EP400: variants seen among roughly 807,000 people sequenced by gnomAD.
EP400 encodes the protein E1A binding protein p400, also known as E1A-binding protein p400.
Under a neutral mutation model 354.1 loss-of-function variants are expected in EP400, and 105 were observed. The ratio of observed to expected loss-of-function variants is 0.30; its 90% CI spans 0.25 to 0.35. The LOEUF (loss-of-function observed/expected upper bound fraction) is 0.35, where lower values mean the gene tolerates loss of function less well. Ranked by LOEUF, EP400 falls within the 10% of genes least tolerant of loss-of-function variation. The pLI, the probability that EP400 is intolerant of heterozygous loss-of-function variation, is 1.00. For missense variants in EP400, 3,280 were observed against 4,121.0 expected (o/e 0.80, Z 5.59); for synonymous variants, 1,646 against 1,716.9 (o/e 0.96, Z 1.02).
rs935773705 is a variant in EP400, at chr12:132,021,059, A to G, written c.4448-20A>G. 8.2e-6 allele frequency: 13 copies of G among 1,582,780 alleles called. No individual in the cohort carries two copies. In the Middle Eastern group the frequency reaches 1.5e-3, roughly 183 times the overall value. On this transcript the variant is annotated intron_variant, in intron 22 of 52. Transcript: ENST00000389561. The stretch of plus-strand genomic sequence containing the variant: ...AAGAACCTCTAACAGCTTTGCACAA[A>G]CAAACCTTATCGATTGCAGCAGCAG...
Position 132,044,901 on chromosome 12 carries a change from G to A in EP400, c.6732G>A (p.Leu2244=), listed in dbSNP as rs1895033628. The change falls in exon 37 of 53, where the codon CTG becomes CTA. Residue 2244 remains leucine (L), a synonymous_variant. Transcript: ENST00000389561. Reference sequence around the variant, plus strand: ...CCACTCCCATCCCAGAGGCTAAGCTGCCCCCTGTGTACGTGAGGAAGGAGC... The same window carrying A: ...CCACTCCCATCCCAGAGGCTAAGCTACCCCCTGTGTACGTGAGGAAGGAGC... ...YEATPIPEAK[L]PPVYVRKERK... is the part of the protein sequence containing the mutation. The A allele has an allele frequency of 3.1e-6, 5 of 1,614,150 alleles. No homozygotes were observed. Among genetic ancestry groups the A allele is most frequent in the East Asian group, 4.5e-5 (2 of 44,882 alleles).
chr12:132,037,805 T>G lies in EP400; in HGVS notation c.6063+12T>G. 1.9e-6 allele frequency: 3 copies of G among 1,613,574 alleles called. No individual in the cohort carries two copies. The highest frequency in any genetic ancestry group is 2.5e-6 in the Non-Finnish European group (3 of 1,179,458). Reference sequence around the variant, plus strand: ...CTTTCTTAACTCAGGTACTCCTTATTCAATGAGAGGCCTGAGGTGAGACCC... The same window carrying G: ...CTTTCTTAACTCAGGTACTCCTTATGCAATGAGAGGCCTGAGGTGAGACCC... On this transcript the variant is annotated intron_variant, in intron 31 of 52. Transcript: ENST00000389561.
chr12:132,030,377 C>T (rs547753730), intron 29 of EP400, among the ~76,000 whole-genome samples: 1 of 152,310 alleles, frequency 6.6e-6, no homozygotes, highest in Admixed American at 6.5e-5. Flanking sequence ...GAATAAATGC[C>T]GGTGACCTGC....
intron 2 of EP400, among the ~76,000 whole-genome samples, chr12:131,966,778 C>T (rs1303414670): frequency 6.6e-6 from 1 of 151,286 alleles, no homozygotes; most frequent in African/African-American, 2.4e-5. Flanking sequence ...GTGGCGGGCA[C>T]CTGTAATCCC....
chr12:132,041,940 C>CT lies in EP400; in HGVS notation c.6208-1355dup, dbSNP rs1257535839. Reference sequence around the variant, plus strand: ...TTTTTAAATTGGATTTTCTCTATTTCTTTTTTTTTCTTTTTCTTTTTTTTT... The same window carrying CT: ...TTTTTAAATTGGATTTTCTCTATTTCTTTTTTTTTTCTTTTTCTTTTTTTTT... On this transcript the variant is annotated intron_variant, in intron 32 of 52. Transcript: ENST00000389561. Among the ~76,000 whole-genome samples the CT allele has an allele frequency of 6.9e-5, 10 of 145,328 alleles. 1 individual carries two copies. The highest frequency in any genetic ancestry group is 5.4e-4 in the Admixed American group (8 of 14,762).
intron 2 of EP400, among the ~76,000 whole-genome samples, chr12:131,966,903 C>CAAAAAAAAAAAAAAAAAA (rs1179689543): frequency 5.2e-5 from 3 of 57,836 alleles, no homozygotes; most frequent in Non-Finnish European, 9.7e-5. Flanking sequence ...AGACTTGTCT[C>CAAAAAAAAAAAAAAAAAA]AAAAAAAAAA....
chr12:131,968,088 A>G (rs377524026), intron 2 of EP400, among the ~76,000 whole-genome samples: 2 of 152,242 alleles, frequency 1.3e-5, no homozygotes, highest in African/African-American at 4.8e-5. Context: ...TTTTCAGAAC[A>G]AAAGTTTTAA....
Position 131,981,469 on chromosome 12 carries a change from T to A in EP400, c.1436-20T>A. 1 of 1,535,254 alleles carries A rather than the reference T, an allele frequency of 6.5e-7. No homozygotes were observed. Among genetic ancestry groups the A allele is most frequent in the Non-Finnish European group, 8.8e-7 (1 of 1,136,140 alleles). Reference sequence around the variant, plus strand: ...TTTTATTTTTACATCAAACTGCACCTTTTTTGAAAATTATTCTAGAGCAGT... The same window carrying A: ...TTTTATTTTTACATCAAACTGCACCATTTTTGAAAATTATTCTAGAGCAGT... On this transcript the variant is annotated intron_variant, in intron 3 of 52. Transcript: ENST00000389561.
rs770765125 is a variant in EP400, at chr12:132,045,754, T to G, written c.7054T>G (p.Leu2352Val). ...TGTAAAGCAGTTACTGGAGCTGCCT[T>G]TGAACCTCACAATCGTGTCACCTGC... The part of the protein sequence containing the change: ...QAVKQLLELP[L>V]NLTIVSPAHT... The change falls in exon 39 of 53, where the codon TTG becomes GTG. Residue 2352 changes from leucine to valine, a missense_variant. Physicochemically the swap from Leu to Val is conservative, Grantham distance 32 (BLOSUM62 1). Transcript: ENST00000389561. 3 of 1,614,216 alleles carry G rather than the reference T, an allele frequency of 1.9e-6. No homozygotes were observed. Among genetic ancestry groups the G allele is most frequent in the East Asian group, 4.5e-5 (2 of 44,882 alleles).
At position 132,013,310 on chromosome 12, in the gene EP400, A is replaced by G; in HGVS notation, c.3611+132A>G. 7.0e-7 allele frequency: 1 copy of G among 1,424,112 alleles called. No homozygotes were observed. Among genetic ancestry groups the G allele is most frequent in the Non-Finnish European group, 9.4e-7 (1 of 1,066,318 alleles). The allele number at this position is 1,424,112 out of a possible 1,614,324, so 88.2% of individuals were successfully genotyped here. ...GAGAATTGCTTTTCATCTTCATCCC[A>G]GCACATGGGCCAGAGAGCCCCAGAG... On this transcript the variant is annotated intron_variant, in intron 17 of 52. Coordinates refer to ENST00000389561, the MANE Select transcript of EP400 (RefSeq NM_015409.5). This position sits in a 1 kb window ranked among gnomAD's most constrained non-coding sequence, Gnocchi z 4.5.
At chr12:132,047,582 T>G (rs746949600) in intron 39 of EP400, among the ~76,000 whole-genome samples, 32 of 152,112 alleles carry the variant, frequency 2.1e-4, no homozygotes, top group Non-Finnish European at 4.4e-4. Context: ...AGGGTGTGGG[T>G]CACAGAGATC....
chr12:131,968,184 C>T (rs1451385631), intron 2 of EP400, among the ~76,000 whole-genome samples: 1 of 152,126 alleles, frequency 6.6e-6, no homozygotes, highest in Non-Finnish European at 1.5e-5. Flanking sequence ...AATCCAGGGT[C>T]AGAAAGATGT....
At chr12:131,981,360 T>C in intron 3 of EP400, 129 bp from the exon 4 acceptor site, 1 of 671,464 alleles carries the variant, frequency 1.5e-6, no homozygotes, top group South Asian at 2.0e-5. Flanking sequence ...GTTTTATGGC[T>C]TCTGGATTTT....
At chr12:132,008,321 TC>T (rs1893653257) in intron 15 of EP400, among the ~76,000 whole-genome samples, 1 of 152,340 alleles carries the variant, frequency 6.6e-6, no homozygotes, top group African/African-American at 2.4e-5. Flanking sequence ...GAATACGTCT[TC>T]CTTGCCTTCT....
chr12:131,966,916 A>AAAAAG (rs1892115495), intron 2 of EP400, among the ~76,000 whole-genome samples: 1 of 150,724 alleles, frequency 6.6e-6, no homozygotes, highest in African/African-American at 2.4e-5. Flanking sequence ...AAAAAAAAAA[A>AAAAAG]AAAAAAAAAC....
intron 30 of EP400, among the ~76,000 whole-genome samples, chr12:132,032,851 G>C (rs1425437022): frequency 6.6e-6 from 1 of 152,120 alleles, no homozygotes; most frequent in Admixed American, 6.5e-5. Context: ...GGCCGGTCTC[G>C]AACTCCTGAC....
intron 12 of EP400, among the ~76,000 whole-genome samples, chr12:132,000,904 C>G (rs1893386811): frequency 6.6e-6 from 1 of 152,172 alleles, no homozygotes; most frequent in Non-Finnish European, 1.5e-5. Flanking sequence ...TTTATTTCTT[C>G]AAATATGAAA....
At chr12:132,064,097 T>C (rs924495664) in intron 47 of EP400, among the ~76,000 whole-genome samples, 83 of 121,726 alleles carry the variant, frequency 6.8e-4, no homozygotes, top group East Asian at 1.8e-3. Flanking sequence ...CCCCCCGGCC[T>C]ACAGCCACAC....
At chr12:132,000,508 AC>A (rs1334087314) in intron 12 of EP400, among the ~76,000 whole-genome samples, 3 of 152,316 alleles carry the variant, frequency 2.0e-5, no homozygotes, top group African/African-American at 7.2e-5. Context: ...TCTTATCCTT[AC>A]TGATTTTTGT....
Sources: allele counts gnomAD v4.1 joint callset (sites outside exome capture counted in the v4.1 genomes callset), GRCh38; gene constraint gnomAD v4.1.1; non-coding constraint Gnocchi (gnomAD v3.1); transcripts MANE v1.5; gene names NCBI Gene and HGNC (gene_info 2026-07-23, HGNC 2026-07-21).